Variants in WNT2 observed in about 807,000 individuals in gnomAD.
The protein encoded by WNT2 is protein Wnt-2.
WNT2 carries 12 observed loss-of-function variants against 36.9 expected under a neutral mutation model. That is an observed-to-expected ratio of 0.33 (90% CI 0.21 to 0.53). WNT2 has a LOEUF of 0.53. Ranked by LOEUF, WNT2 falls within the 20% of genes least tolerant of loss-of-function variation. WNT2 has a pLI of 0.95. For synonymous variants in WNT2, 163 were observed against 174.6 expected (o/e 0.93, Z 0.52); for missense variants, 379 against 473.1 (o/e 0.80, Z 1.84).
At position 117,278,666 on chromosome 7, in the gene WNT2, G is replaced by T. The variant is rs569535025; in HGVS notation, c.854-282C>A. 1.5e-3 allele frequency among the ~76,000 whole-genome samples: 229 copies of T among 152,332 alleles called. 1 individual carries two copies. The highest frequency in any genetic ancestry group is 5.4e-3 in the African/African-American group (225 of 41,588). ...CTGAATCCAGCTCTCCCACTTCTGA[G>T]TTGGATCGACTTTTCAGATTATCCT... On this transcript the variant is annotated intron_variant, in intron 4 of 4. Coordinates refer to ENST00000265441, the MANE Select transcript of WNT2 (RefSeq NM_003391.3).
intron 3 of WNT2, among the ~76,000 whole-genome samples, chr7:117,298,776 G>T (rs370871549): frequency 6.6e-5 from 10 of 152,118 alleles, no homozygotes; most frequent in African/African-American, 2.2e-4. Flanking sequence ...TTTCTCCTTT[G>T]CTCACTCAAG....
chr7:117,315,727 G>A (rs942069567), intron 2 of WNT2, among the ~76,000 whole-genome samples: 15 of 152,226 alleles, frequency 9.9e-5, no homozygotes, highest in African/African-American at 3.6e-4. Flanking sequence ...TTTCTTTACA[G>A]TCTGAATGCT....
At chr7:117,321,125 G>A (rs1584699756) in intron 1 of WNT2, among the ~76,000 whole-genome samples, 1 of 152,162 alleles carries the variant, frequency 6.6e-6, no homozygotes. Flanking sequence ...AAGAAGCAAC[G>A]TGTCTTGGGG....
chr7:117,319,537 GC>G (rs900271808), intron 2 of WNT2, among the ~76,000 whole-genome samples: 4 of 150,064 alleles, frequency 2.7e-5, no homozygotes, highest in Non-Finnish European at 4.4e-5. Flanking sequence ...GGGGGGGTAG[GC>G]AAAAACAAGT....
intron 3 of WNT2, among the ~76,000 whole-genome samples, chr7:117,298,617 C>A (rs1260815562): frequency 6.6e-6 from 1 of 152,138 alleles, no homozygotes; most frequent in Non-Finnish European, 1.5e-5. Context: ...AATATAGAGA[C>A]CCCTTTTCTG....
At chr7:117,313,145 A>C (rs1253902694) in intron 3 of WNT2, among the ~76,000 whole-genome samples, 1 of 152,186 alleles carries the variant, frequency 6.6e-6, no homozygotes, top group African/African-American at 2.4e-5. Flanking sequence ...GGCTGTTCTC[A>C]TTTTGATTCC....
chr7:117,303,802 GATGTTC>G (rs1432301386), intron 3 of WNT2, among the ~76,000 whole-genome samples: 1 of 152,178 alleles, frequency 6.6e-6, no homozygotes, highest in Non-Finnish European at 1.5e-5. Flanking sequence ...ATCAATGAAG[GATGTTC>G]TTAAAGTGAA....
At chr7:117,288,196 C>T (rs755780274) in intron 4 of WNT2, among the ~76,000 whole-genome samples, 2 of 152,108 alleles carry the variant, frequency 1.3e-5, no homozygotes, top group South Asian at 2.1e-4. Context: ...AAAATGACAA[C>T]TTAAGAAAGT....
chr7:117,315,412 G>T, intron 2 of WNT2, 64 bp from the exon 3 acceptor site: 2 of 1,495,420 alleles, frequency 1.3e-6, no homozygotes, highest in South Asian at 1.3e-5. Flanking sequence ...ACTTTCATAT[G>T]ACAATTGTTT....
chr7:117,294,593 T>TAAAA (rs5886850), intron 4 of WNT2, among the ~76,000 whole-genome samples: 3 of 128,416 alleles, frequency 2.3e-5, no homozygotes, highest in Admixed American at 7.7e-5. Flanking sequence ...AACTGGCAAC[T>TAAAA]AAAAAAAAAA....
At position 117,277,722 on chromosome 7, in the gene WNT2, C is replaced by T. The variant is rs547110205; in HGVS notation, c.*433G>A. 5.6e-6 allele frequency: 1 copy of T among 180,042 alleles called. No homozygotes were observed. The highest frequency in any genetic ancestry group is 2.4e-5 in the African/African-American group (1 of 42,396). 11.2% of individuals were successfully genotyped at this position (180,042 alleles called of 1,614,324 possible). On this transcript the variant is annotated 3_prime_UTR_variant, in exon 5 of 5. Transcript: ENST00000265441. The stretch of plus-strand genomic sequence containing the variant: ...AGTTGATTCTGCTTTCTTTACTGTT[C>T]CCATCTGAGAGAAGTATGGAATTTC...
rs773798052 is a variant in WNT2, at chr7:117,320,719, T to C, written c.158A>G (p.Gln53Arg). The C allele has an allele frequency of 1.2e-6, 2 of 1,613,932 alleles. No individual in the cohort carries two copies. Reference protein sequence around the residue: ...NVPGLVSSQRQLCHRHPDVMR... With the variant: ...NVPGLVSSQRRLCHRHPDVMR... Reference sequence around the variant, plus strand: ...CACATCTGGATGTCGGTGACACAGCTGCCGCTGGCTGCTCACCAGGCCTGG... The same window carrying C: ...CACATCTGGATGTCGGTGACACAGCCGCCGCTGGCTGCTCACCAGGCCTGG... The change falls in exon 2 of 5, where the codon CAG (glutamine) becomes CGG (arginine). Residue 53 changes from glutamine to arginine, a missense_variant. By Grantham distance (43) the Gln-to-Arg change is conservative (BLOSUM62 1). Transcript: ENST00000265441.
intron 4 of WNT2, among the ~76,000 whole-genome samples, chr7:117,282,405 G>A (rs1205374999): frequency 8.3e-6 from 1 of 120,358 alleles, no homozygotes; most frequent in African/African-American, 3.3e-5. Context: ...AGGAAGAGGA[G>A]GAGGAAGACA....
At chr7:117,283,505 A>T (rs1231224801) in intron 4 of WNT2, among the ~76,000 whole-genome samples, 1 of 152,188 alleles carries the variant, frequency 6.6e-6, no homozygotes, top group Non-Finnish European at 1.5e-5. Context: ...ACTGAAATCT[A>T]ACTTGGTAGT....
intron 4 of WNT2, among the ~76,000 whole-genome samples, chr7:117,279,278 C>A (rs900572965): frequency 5.3e-5 from 8 of 152,208 alleles, no homozygotes; most frequent in Non-Finnish European, 1.0e-4. Context: ...GACAACAGAA[C>A]AAAGCATTGT....
At chr7:117,293,153 C>T (rs183043744) in intron 4 of WNT2, among the ~76,000 whole-genome samples, 10 of 152,128 alleles carry the variant, frequency 6.6e-5, no homozygotes, top group African/African-American at 1.9e-4. Flanking sequence ...TATATAATTT[C>T]GGGAACAGCT....
At chr7:117,285,850 A>G (rs1408364326) in intron 4 of WNT2, among the ~76,000 whole-genome samples, 3 of 152,214 alleles carry the variant, frequency 2.0e-5, no homozygotes, top group African/African-American at 7.2e-5. Context: ...TTTGCTTTAT[A>G]TTTGTGAAGT....
At chr7:117,318,879 T>C (rs914491077) in intron 2 of WNT2, among the ~76,000 whole-genome samples, 1 of 152,228 alleles carries the variant, frequency 6.6e-6, no homozygotes, top group African/African-American at 2.4e-5. Flanking sequence ...AAGATTAAGT[T>C]ACAGTATTTT....
chr7:117,287,113 C>G (rs1287326366), intron 4 of WNT2, among the ~76,000 whole-genome samples: 1 of 152,164 alleles, frequency 6.6e-6, no homozygotes, highest in African/African-American at 2.4e-5. Context: ...CTTTGGGAGG[C>G]CAAGGCAGGC....
Sources: allele counts gnomAD v4.1 joint callset (sites outside exome capture counted in the v4.1 genomes callset), GRCh38; gene constraint gnomAD v4.1.1; transcripts MANE v1.5; gene names NCBI Gene and HGNC (gene_info 2026-07-23, HGNC 2026-07-21).